The following RUNDC3B variants were observed in gnomAD, a reference collection of about 807,000 sequenced individuals.
RUNDC3B encodes RUN domain containing 3B, also known as RUN domain-containing protein 3B.
A neutral mutation model predicts 58.4 loss-of-function variants in RUNDC3B; 33 were observed. The ratio of observed to expected loss-of-function variants is 0.56; its 90% CI spans 0.43 to 0.75. RUNDC3B has a LOEUF of 0.75. Ranked by LOEUF, RUNDC3B falls within the 30% of genes least tolerant of loss-of-function variation. RUNDC3B has a pLI of 0.00. For missense variants in RUNDC3B, 501 were observed against 535.7 expected (o/e 0.94, Z 0.64); for synonymous variants, 193 against 195.2 (o/e 0.99, Z 0.10).
At chr7:87,811,619 C>T (rs1336765621) in intron 9 of RUNDC3B, among the ~76,000 whole-genome samples, 1 of 152,208 alleles carries the variant, frequency 6.6e-6, no homozygotes, top group Admixed American at 6.5e-5. Context: ...GCTGGGATTA[C>T]AGGCATGAGC....
intron 2 of RUNDC3B, among the ~76,000 whole-genome samples, chr7:87,680,751 C>T (rs867417831): frequency 7.4e-5 from 11 of 149,512 alleles, no homozygotes; most frequent in Middle Eastern, 3.4e-3. Context: ...GCCAAGATCG[C>T]GCCATTGCAC....
chr7:87,810,235 C>T (rs564211494), intron 9 of RUNDC3B, among the ~76,000 whole-genome samples: 4 of 152,272 alleles, frequency 2.6e-5, no homozygotes, highest in African/African-American at 9.6e-5. Context: ...AATCAGGCAA[C>T]GTTCAGAACC....
intron 2 of RUNDC3B, among the ~76,000 whole-genome samples, chr7:87,683,054 A>G (rs1827085230): frequency 6.6e-6 from 1 of 152,154 alleles, no homozygotes; most frequent in Non-Finnish European, 1.5e-5. Flanking sequence ...TTTTTGTTTT[A>G]TTATTATTAT....
intron 1 of RUNDC3B, among the ~76,000 whole-genome samples, chr7:87,636,100 G>A (rs1584959699): frequency 6.6e-6 from 1 of 152,226 alleles, no homozygotes; most frequent in African/African-American, 2.4e-5. Flanking sequence ...ATATTAGCTT[G>A]GAGTGGAATT....
intron 4 of RUNDC3B, among the ~76,000 whole-genome samples, chr7:87,713,567 G>C (rs979557724): frequency 3.3e-5 from 5 of 151,476 alleles, no homozygotes; most frequent in African/African-American, 1.2e-4. Context: ...ACATGGCTTA[G>C]GGATTGGGGT....
intron 4 of RUNDC3B, among the ~76,000 whole-genome samples, chr7:87,729,584 C>G (rs1318831690): frequency 1.3e-5 from 2 of 152,108 alleles, no homozygotes; most frequent in African/African-American, 4.8e-5. Context: ...TGAGTTCAGG[C>G]AAGACCTACC....
At chr7:87,659,533 A>C (rs1305531596) in intron 2 of RUNDC3B, among the ~76,000 whole-genome samples, 2 of 152,160 alleles carry the variant, frequency 1.3e-5, no homozygotes. Context: ...CTCTACATAC[A>C]TATAGGACCA....
chr7:87,677,003 AG>A (rs1196807982), intron 2 of RUNDC3B, among the ~76,000 whole-genome samples: 2 of 152,178 alleles, frequency 1.3e-5, no homozygotes, highest in Non-Finnish European at 2.9e-5. Flanking sequence ...TGTGGAGAAA[AG>A]GGAACCTTCC....
chr7:87,826,221 T>C (rs1212512620), intron 10 of RUNDC3B, among the ~76,000 whole-genome samples: 1 of 152,098 alleles, frequency 6.6e-6, no homozygotes, highest in Non-Finnish European at 1.5e-5. Flanking sequence ...GTGATTTAAT[T>C]ACGGGGGCAG....
At chr7:87,782,554 C>T (rs998941617) in intron 8 of RUNDC3B, among the ~76,000 whole-genome samples, 21 of 151,896 alleles carry the variant, frequency 1.4e-4, no homozygotes, top group Non-Finnish European at 1.9e-4. Context: ...CCTCTAGGTG[C>T]GACGTCAGAG....
At chr7:87,633,079 G>T (rs935220033) in intron 1 of RUNDC3B, among the ~76,000 whole-genome samples, 2 of 152,170 alleles carry the variant, frequency 1.3e-5, no homozygotes, top group African/African-American at 4.8e-5. Context: ...TTCAGAACTT[G>T]AATATTATTT....
At chr7:87,826,422 A>G (rs1409774794) in intron 10 of RUNDC3B, among the ~76,000 whole-genome samples, 2 of 151,374 alleles carry the variant, frequency 1.3e-5, no homozygotes, top group African/African-American at 4.9e-5. Flanking sequence ...TCTTTATTTC[A>G]TACATTTCCA....
intron 6 of RUNDC3B, among the ~76,000 whole-genome samples, chr7:87,744,446 A>G (rs1033507835): frequency 2.0e-4 from 31 of 152,166 alleles, no homozygotes; most frequent in African/African-American, 7.2e-4. Flanking sequence ...ATCCATGAGC[A>G]TGGGATGTGT....
chr7:87,800,601 T>C (rs1325655823), intron 8 of RUNDC3B, among the ~76,000 whole-genome samples: 1 of 152,078 alleles, frequency 6.6e-6, no homozygotes, highest in Non-Finnish European at 1.5e-5. Flanking sequence ...CTAATTTACA[T>C]TCCCACCAAC....
rs200180634 is a variant in RUNDC3B, at chr7:87,830,440, CA to C, written c.*429del. 0.065 allele frequency: 4,846 copies of C among 74,440 alleles called. 199 individuals are homozygous for C. Among genetic ancestry groups the C allele is most frequent in the African/African-American group, 0.16 (4,137 of 25,662 alleles). The allele number at this position is 74,440 out of a possible 1,614,324, so 4.6% of individuals were successfully genotyped here. On this transcript the variant is annotated 3_prime_UTR_variant, in exon 11 of 11. Transcript: ENST00000394654. ...GTATTTTTTCATTCTTTCAGATTTT[CA>C]AAAAAAAAAAAAAAAAAAGTTAATT...
chr7:87,776,738 A>T (rs1323849949), intron 7 of RUNDC3B, among the ~76,000 whole-genome samples: 1 of 152,016 alleles, frequency 6.6e-6, no homozygotes, highest in Non-Finnish European at 1.5e-5. Context: ...TTTATTATAG[A>T]AGAGCAAACA....
chr7:87,798,025 CA>C (rs996094701), intron 8 of RUNDC3B, among the ~76,000 whole-genome samples: 1 of 152,214 alleles, frequency 6.6e-6, no homozygotes, highest in Non-Finnish European at 1.5e-5. Context: ...TGTACATTAT[CA>C]CCTTGCATTC....
chr7:87,773,708 C>T (rs1202220192), intron 7 of RUNDC3B, among the ~76,000 whole-genome samples: 7 of 145,450 alleles, frequency 4.8e-5, no homozygotes, highest in South Asian at 4.4e-4. Flanking sequence ...GATGGAGTCT[C>T]GCTTTGTCAC....
At chr7:87,721,167 T>C (rs773989184) in intron 4 of RUNDC3B, among the ~76,000 whole-genome samples, 1 of 151,248 alleles carries the variant, frequency 6.6e-6, no homozygotes, top group Non-Finnish European at 1.5e-5. Context: ...TTATAATATG[T>C]AGCAGGCTAT....
Sources: allele counts gnomAD v4.1 joint callset (sites outside exome capture counted in the v4.1 genomes callset), GRCh38; gene constraint gnomAD v4.1.1; transcripts MANE v1.5; gene names NCBI Gene and HGNC (gene_info 2026-07-23, HGNC 2026-07-21).